The following WSB1 variants were observed in gnomAD, a reference collection of about 807,000 sequenced individuals.
WSB1 encodes the protein WD repeat and SOCS box-containing protein 1.
Under a neutral mutation model 50.2 loss-of-function variants are expected in WSB1, and 23 were observed. The ratio of observed to expected loss-of-function variants is 0.46; its 90% CI spans 0.33 to 0.65. WSB1 has a LOEUF of 0.65. WSB1 is among the 30% of genes least tolerant of loss of function. The probability of loss-of-function intolerance (pLI) is 0.02; values close to 1 mark genes in which losing one functional copy is unlikely to be tolerated. For missense variants in WSB1, 492 were observed against 522.3 expected (o/e 0.94, Z 0.56); for synonymous variants, 179 against 172.0 (o/e 1.04, Z -0.32).
chr17:27,310,901 A>G (rs761540377), intron 7 of WSB1, among the ~76,000 whole-genome samples: 2 of 152,120 alleles, frequency 1.3e-5, no homozygotes, highest in Non-Finnish European at 2.9e-5. Context: ...GCTATAGTGC[A>G]GTGGTGCAAT....
At chr17:27,299,546 A>G (rs1283855417) in intron 1 of WSB1, among the ~76,000 whole-genome samples, 1 of 152,208 alleles carries the variant, frequency 6.6e-6, no homozygotes, top group East Asian at 1.9e-4. Context: ...AGTAAAGTTA[A>G]TGTCATCTTA....
chr17:27,311,332 ATAT>A (rs1441438396), intron 7 of WSB1, among the ~76,000 whole-genome samples, 174 bp from the exon 8 acceptor site: 4 of 152,192 alleles, frequency 2.6e-5, no homozygotes, highest in Non-Finnish European at 5.9e-5. Flanking sequence ...TTACCAACTG[ATAT>A]TATAGACCTT....
intron 1 of WSB1, among the ~76,000 whole-genome samples, chr17:27,296,716 A>C (rs182816122): frequency 1.4e-4 from 21 of 152,322 alleles, no homozygotes; most frequent in Admixed American, 1.4e-3. Context: ...TTACTGTTTT[A>C]CAGATATTAA....
Position 27,313,877 on chromosome 17 carries a change from A to C in WSB1, c.*1508A>C, listed in dbSNP as rs2017782120. The C allele has an allele frequency of 6.6e-6, 1 of 152,238 alleles. No individual in the cohort carries two copies. Among genetic ancestry groups the C allele is most frequent in the African/African-American group, 2.4e-5 (1 of 41,454 alleles). The allele number at this position is 152,238 out of a possible 1,614,324, so 9.4% of individuals were successfully genotyped here. A position where few individuals can be genotyped will look rare whatever the true frequency, so the allele number is the denominator to read the frequency against. ...TAAAAGCATAGGGAAGCTCTAGAACACAGGAAGGTGACTACTAAGCAAGAG... is the reference window on the plus strand; with the variant it reads ...TAAAAGCATAGGGAAGCTCTAGAACCCAGGAAGGTGACTACTAAGCAAGAG... On this transcript the variant is annotated 3_prime_UTR_variant, in exon 9 of 9. Coordinates refer to ENST00000262394, the MANE Select transcript of WSB1 (RefSeq NM_015626.10).
chr17:27,313,960 GTTA>G lies in WSB1; in HGVS notation c.*1596_*1598del, dbSNP rs763913632. 1.3e-5 allele frequency: 2 copies of G among 152,184 alleles called. No homozygotes were observed. The highest frequency in any genetic ancestry group is 2.4e-5 in the African/African-American group (1 of 41,440). 9.4% of individuals were successfully genotyped at this position (152,184 alleles called of 1,614,324 possible). ...ATAGTAAGTCTATCTGGTTAAAGTAGTTATTATGAAAATCTAGCAGTCTGGGTC... is the reference window on the plus strand; with the variant it reads ...ATAGTAAGTCTATCTGGTTAAAGTAGTTATGAAAATCTAGCAGTCTGGGTC... On this transcript the variant is annotated 3_prime_UTR_variant, in exon 9 of 9. Coordinates refer to ENST00000262394, the MANE Select transcript of WSB1 (RefSeq NM_015626.10).
intron 1 of WSB1, among the ~76,000 whole-genome samples, chr17:27,295,567 A>T (rs1291205542): frequency 6.6e-6 from 1 of 152,072 alleles, no homozygotes; most frequent in East Asian, 1.9e-4. Flanking sequence ...AAAGGGAAAA[A>T]ATTGTAGCAG....
At chr17:27,300,425 T>A (rs899180732) in intron 1 of WSB1, among the ~76,000 whole-genome samples, 1 of 152,174 alleles carries the variant, frequency 6.6e-6, no homozygotes, top group African/African-American at 2.4e-5. Context: ...AAATTGTAGC[T>A]GAGTTTGCAT....
rs2017817320 is a variant in WSB1, at chr17:27,315,785, A to G, written c.*3416A>G. 6.6e-6 allele frequency: 1 copy of G among 152,270 alleles called. No individual in the cohort carries two copies. The highest frequency in any genetic ancestry group is 2.4e-5 in the African/African-American group (1 of 41,472). The allele number at this position is 152,270 out of a possible 1,614,324, so 9.4% of individuals were successfully genotyped here. ...GACTATAAAACAAATATCTAGAGTT[A>G]TATATGGATGTACTATCATTTGGTG... is the stretch of plus-strand genomic sequence containing the variant. On this transcript the variant is annotated 3_prime_UTR_variant, in exon 9 of 9. Coordinates refer to ENST00000262394, the MANE Select transcript of WSB1 (RefSeq NM_015626.10).
Position 27,301,176 on chromosome 17 carries a change from T to C in WSB1, c.41-612T>C, listed in dbSNP as rs77974560. Among the ~76,000 whole-genome samples, 449 of 152,282 alleles carry C rather than the reference T, an allele frequency of 2.9e-3. 4 individuals are homozygous for C. In the Middle Eastern group the frequency reaches 0.044, roughly 15 times the overall value. The stretch of plus-strand genomic sequence containing the variant: ...GGTGTGAGCAACCACACGCGGCCTA[T>C]AATGCCTTTTTAAAGCACTGGTTTG... On this transcript the variant is annotated intron_variant, in intron 1 of 8. Coordinates refer to ENST00000262394, the MANE Select transcript of WSB1 (RefSeq NM_015626.10).
chr17:27,309,816 C>G (rs1310746422), intron 6 of WSB1, among the ~76,000 whole-genome samples: 4 of 152,102 alleles, frequency 2.6e-5, no homozygotes, highest in Non-Finnish European at 5.9e-5. Context: ...CTCTTGATCT[C>G]GTGATCCACC....
In WSB1 at chr17:27,303,528, G is replaced by A. The variant is rs1181791287; in HGVS notation, c.371G>A (p.Ser124Asn). 1.2e-6 allele frequency: 2 copies of A among 1,614,162 alleles called. No individual in the cohort carries two copies. The highest frequency in any genetic ancestry group is 1.3e-5 in the African/African-American group (1 of 75,060). ...GGGTCATCAGTTCCAGAAAAACAGAGTCGCTGTGTAAATATAGAATGGCAT... is the reference window on the plus strand; with the variant it reads ...GGGTCATCAGTTCCAGAAAAACAGAATCGCTGTGTAAATATAGAATGGCAT... ...AFGSSVPEKQ[S>N]RCVNIEWHRF... Residue 124 changes from serine (S) to asparagine (N), a missense_variant, in exon 3 of 9, where the codon AGT (serine) becomes AAT (asparagine). Transcript: ENST00000262394.
Position 27,311,502 on chromosome 17 carries a change from T to C in WSB1, c.999-7T>C. On this transcript the variant is annotated splice_polypyrimidine_tract_variant and splice_region_variant and intron_variant, in intron 7 of 8. Transcript: ENST00000262394. ...ACAAGATACTAAATAATTTATTTCATTTTCAGAATGGTGAGGTTCTGGAGA... is the reference window on the plus strand; with the variant it reads ...ACAAGATACTAAATAATTTATTTCACTTTCAGAATGGTGAGGTTCTGGAGA... The C allele has an allele frequency of 6.3e-7, 1 of 1,576,900 alleles. No homozygotes were observed. Among genetic ancestry groups the C allele is most frequent in the Non-Finnish European group, 8.6e-7 (1 of 1,168,940 alleles).
At chr17:27,303,282 T>G in intron 2 of WSB1, 85 bp from the exon 3 acceptor site, 1 of 1,440,032 alleles carries the variant, frequency 6.9e-7, no homozygotes, top group Non-Finnish European at 9.4e-7. Context: ...TGAGGTTATT[T>G]TAACAAACAC....
chr17:27,310,949 G>A (rs1007993620), intron 7 of WSB1, among the ~76,000 whole-genome samples: 2 of 152,092 alleles, frequency 1.3e-5, no homozygotes, highest in African/African-American at 2.4e-5. Flanking sequence ...GGGCTCAGGT[G>A]ATCCTCCCAC....
At chr17:27,311,695 A>G in intron 8 of WSB1, 79 bp downstream of exon 8, 1 of 1,051,650 alleles carries the variant, frequency 9.5e-7, no homozygotes, top group Non-Finnish European at 1.3e-6. Flanking sequence ...ACAGTGGTGC[A>G]ATCTCTGCTC....
rs929164575 is a variant in WSB1 at position 27,294,128 on chromosome 17, A to G, written c.-268A>G. The G allele has an allele frequency of 3.3e-6, 1 of 304,658 alleles. No homozygotes were observed. The highest frequency in any genetic ancestry group is 2.2e-5 in the African/African-American group (1 of 46,270). 18.9% of individuals were successfully genotyped at this position (304,658 alleles called of 1,614,324 possible). ...ATTTTGACTCCAGTGTCTCGTTTGCAGTCGGCGCTTTAGGGGAACTGTCTT... is the reference window on the plus strand; with the variant it reads ...ATTTTGACTCCAGTGTCTCGTTTGCGGTCGGCGCTTTAGGGGAACTGTCTT... On this transcript the variant is annotated 5_prime_UTR_variant, in exon 1 of 9. Transcript: ENST00000262394.
intron 1 of WSB1, among the ~76,000 whole-genome samples, chr17:27,297,898 A>G (rs1453713420): frequency 6.6e-6 from 1 of 151,906 alleles, no homozygotes; most frequent in South Asian, 2.1e-4. Flanking sequence ...ACCTGAGGTC[A>G]GGAGTTCAAG....
chr17:27,307,503 T>C, intron 5 of WSB1: 1 of 538,416 alleles, frequency 1.9e-6, no homozygotes, highest in Admixed American at 3.6e-5. Context: ...TATAAAATGG[T>C]TGAAGTCCAA....
At chr17:27,295,135 C>T (rs1428340659) in intron 1 of WSB1, among the ~76,000 whole-genome samples, 1 of 152,180 alleles carries the variant, frequency 6.6e-6, no homozygotes, top group Non-Finnish European at 1.5e-5. Flanking sequence ...TGTGCGTCCA[C>T]ACCTACTTAG....
Sources: gnomAD v4.1 joint callset for allele counts (sites outside exome capture counted in the v4.1 genomes callset) on GRCh38, gnomAD v4.1.1 for gene constraint, MANE v1.5 for transcripts, NCBI Gene and HGNC (gene_info 2026-07-23, HGNC 2026-07-21) for gene names.